ABL1: variants seen among roughly 807,000 people sequenced by gnomAD.
ABL1 encodes the protein ABL proto-oncogene 1, non-receptor tyrosine kinase, also known as tyrosine-protein kinase ABL1.
ABL1 carries 11 observed loss-of-function variants against 94.7 expected under a neutral mutation model. That is an observed-to-expected ratio of 0.12 (90% CI 0.07 to 0.19). ABL1 has a LOEUF of 0.19. Among genes scored for constraint, ABL1 ranks in the 10% least tolerant of loss-of-function variants. ABL1 has a pLI of 1.00. For missense variants in ABL1, 1,082 were observed against 1,489.4 expected (o/e 0.73, Z 4.50); for synonymous variants, 656 against 622.4 (o/e 1.05, Z -0.80).
At chr9:130,788,848 G>A (rs779579621) in intron 1 of ABL1, among the ~76,000 whole-genome samples, 17 of 152,120 alleles carry the variant, frequency 1.1e-4, no homozygotes, top group Non-Finnish European at 2.2e-4. Flanking sequence ...TCTTTCTCAT[G>A]GTGTTACATC....
chr9:130,724,979 A>G (rs1026324649), intron 1 of ABL1: 21 of 322,408 alleles, frequency 6.5e-5, no homozygotes, highest in African/African-American at 4.1e-4. Flanking sequence ...GACAGGCCTT[A>G]GAGCCACAGT....
At chr9:130,827,980 ATTC>A (rs1209019726) in intron 1 of ABL1, among the ~76,000 whole-genome samples, 5 of 151,450 alleles carry the variant, frequency 3.3e-5, no homozygotes, top group African/African-American at 1.2e-4. Context: ...AAAAAGAACT[ATTC>A]TTTGCTATCC....
intron 1 of ABL1, among the ~76,000 whole-genome samples, chr9:130,723,981 T>A (rs900990951): frequency 6.6e-6 from 1 of 152,036 alleles, no homozygotes; most frequent in African/African-American, 2.4e-5. Flanking sequence ...CTGGCCAATT[T>A]TTGTATTTTT....
In ABL1 at chr9:130,885,701, G is replaced by T; in HGVS notation, c.*18G>T. ...AGAGGTAGCAGCAGTCAGGGGTCAGGTGTCAGGCCCGTCGGAGCTGCCTGC... is the reference window on the plus strand; with the variant it reads ...AGAGGTAGCAGCAGTCAGGGGTCAGTTGTCAGGCCCGTCGGAGCTGCCTGC... On this transcript the variant is annotated 3_prime_UTR_variant, in exon 11 of 11. Coordinates refer to ENST00000318560, the MANE Select transcript of ABL1 (RefSeq NM_005157.6). 1 of 1,598,454 alleles carries T rather than the reference G, an allele frequency of 6.3e-7. No homozygotes were observed.
intron 1 of ABL1, among the ~76,000 whole-genome samples, chr9:130,753,052 C>T (rs138541164): frequency 0.013 from 1,996 of 151,590 alleles, 46 homozygotes; most frequent in African/African-American, 0.046. Flanking sequence ...GTCAGGAGAT[C>T]GAGACCATCC....
At chr9:130,849,480 T>G (rs1331494523) in intron 1 of ABL1, among the ~76,000 whole-genome samples, 3 of 152,200 alleles carry the variant, frequency 2.0e-5, no homozygotes, top group Non-Finnish European at 4.4e-5. Context: ...TTTCAGTGAT[T>G]ATTATCAAGC....
In ABL1 at chr9:130,876,930, G is replaced by T. The variant is rs903984083; in HGVS notation, c.1271-1485G>T. ...TTTTTTTCTATTTTTGTAGAGACGG[G>T]GTTTCACTGCGTTAGCCAGGATGGT... On this transcript the variant is annotated intron_variant, in intron 7 of 10. Transcript: ENST00000318560. Among the ~76,000 whole-genome samples, 4 of 145,804 alleles carry T rather than the reference G, an allele frequency of 2.7e-5. 1 individual carries two copies. Among genetic ancestry groups the T allele is most frequent in the African/African-American group, 1.1e-4 (4 of 37,640 alleles).
At chr9:130,845,878 C>G (rs1830761413) in intron 1 of ABL1, among the ~76,000 whole-genome samples, 1 of 151,862 alleles carries the variant, frequency 6.6e-6, no homozygotes, top group South Asian at 2.1e-4. Flanking sequence ...AAAAATTCAT[C>G]CACAGGACAG....
intron 1 of ABL1, among the ~76,000 whole-genome samples, chr9:130,769,780 T>G (rs1832230552): frequency 6.6e-6 from 1 of 152,166 alleles, no homozygotes; most frequent in Admixed American, 6.6e-5. Flanking sequence ...TTGCCACCCC[T>G]TTTGAGATAC....
intron 1 of ABL1, among the ~76,000 whole-genome samples, chr9:130,735,961 A>ATATATATTTTTTTTT (rs573602038): frequency 5.5e-4 from 52 of 94,826 alleles, no homozygotes; most frequent in African/African-American, 2.9e-3. Context: ...ATATATATAT[A>ATATATATTTTTTTTT]TTTTTTTTTT....
chr9:130,877,808 A>AT (rs34577725), intron 7 of ABL1, among the ~76,000 whole-genome samples: 6,648 of 129,308 alleles, frequency 0.051, 655 homozygotes, highest in African/African-American at 0.12. Flanking sequence ...ACCTGGCTAA[A>AT]TTTTTTTTTT....
intron 4 of ABL1, among the ~76,000 whole-genome samples, chr9:130,868,931 G>A (rs936050111): frequency 6.6e-6 from 1 of 152,148 alleles, no homozygotes; most frequent in Non-Finnish European, 1.5e-5. Flanking sequence ...ACTCTGGGAG[G>A]CCGAGGAGGG....
At chr9:130,853,176 T>C (rs533080495) in intron 1 of ABL1, among the ~76,000 whole-genome samples, 1,404 of 129,606 alleles carry the variant, frequency 0.011, 33 homozygotes, top group African/African-American at 0.034. Flanking sequence ...TTTTCTTTTT[T>C]TTTTTTTTTT....
intron 1 of ABL1, among the ~76,000 whole-genome samples, chr9:130,728,149 C>T (rs143385537): frequency 1.3e-5 from 2 of 150,664 alleles, no homozygotes; most frequent in East Asian, 2.0e-4. Flanking sequence ...CTGCAACCTC[C>T]GTCTCCCAGA....
chr9:130,829,433 T>G (rs2987901), intron 1 of ABL1, among the ~76,000 whole-genome samples: 152,197 of 152,260 alleles, frequency 1, 76,067 homozygotes, highest in Middle Eastern at 1. Flanking sequence ...GTGGTGGCGG[T>G]CCCCTGTAGT....
At chr9:130,841,464 C>T (rs1056830603) in intron 1 of ABL1, among the ~76,000 whole-genome samples, 3 of 152,046 alleles carry the variant, frequency 2.0e-5, no homozygotes, top group African/African-American at 4.8e-5. Context: ...CATTCAAAGC[C>T]GTCCTGGGCC....
chr9:130,759,020 G>C (rs1832076966), intron 1 of ABL1, among the ~76,000 whole-genome samples: 1 of 152,168 alleles, frequency 6.6e-6, no homozygotes, highest in African/African-American at 2.4e-5. Context: ...TCCGAACACT[G>C]AGCTGGTCAT....
chr9:130,822,978 A>G (rs1588253531), intron 1 of ABL1, among the ~76,000 whole-genome samples: 2 of 152,162 alleles, frequency 1.3e-5, no homozygotes, highest in Middle Eastern at 3.4e-3. Flanking sequence ...TTGAATTTTT[A>G]GTAGAGACGG....
At chr9:130,769,329 CTT>C (rs372838676) in intron 1 of ABL1, among the ~76,000 whole-genome samples, 2,147 of 84,164 alleles carry the variant, frequency 0.026, 30 homozygotes, top group African/African-American at 0.093. Flanking sequence ...TGGCCCTAGT[CTT>C]TTTTTTTTTT....
Sources: allele counts gnomAD v4.1 joint callset (sites outside exome capture counted in the v4.1 genomes callset), GRCh38; gene constraint gnomAD v4.1.1; transcripts MANE v1.5; gene names NCBI Gene and HGNC (gene_info 2026-07-23, HGNC 2026-07-21).